Variants in ASPH observed in about 807,000 individuals in gnomAD.
The protein encoded by ASPH is aspartate beta-hydroxylase.
A neutral mutation model predicts 118.4 loss-of-function variants in ASPH; 100 were observed. The observed-to-expected ratio is 0.84, with a 90% CI of 0.72 to 1.00. The LOEUF is 1.00. Among genes scored for constraint, ASPH ranks in the 50% least tolerant of loss-of-function variants. ASPH has a pLI of 0.00. For synonymous variants in ASPH, 315 were observed against 325.6 expected (o/e 0.97, Z 0.35); for missense variants, 920 against 919.5 (o/e 1.00, Z -0.01).
At chr8:61,670,832 G>A (rs959753979) in intron 3 of ASPH, among the ~76,000 whole-genome samples, 3 of 151,776 alleles carry the variant, frequency 2.0e-5, no homozygotes, top group Admixed American at 6.6e-5. Context: ...TGTTGTAAAG[G>A]GAAGAGAGAA....
In ASPH at chr8:61,651,136, G is replaced by C; in HGVS notation, c.416-12C>G. ...GATATTCTGGGGTTCTAAAATAATT[G>C]CAAAACATAGCTAAGTAGAAAAGCT... is the stretch of plus-strand genomic sequence containing the variant. On this transcript the variant is annotated splice_polypyrimidine_tract_variant and intron_variant, in intron 4 of 24. Coordinates refer to ENST00000379454, the MANE Select transcript of ASPH (RefSeq NM_004318.4). 2 of 1,608,920 alleles carry C rather than the reference G, an allele frequency of 1.2e-6. No individual in the cohort carries two copies. The highest frequency in any genetic ancestry group is 1.7e-6 in the Non-Finnish European group (2 of 1,175,988).
rs757887715 is a variant in ASPH at position 61,638,002 on chromosome 8, T to C, written c.834A>G (p.Glu278=). The C allele has an allele frequency of 1.7e-5, 27 of 1,606,800 alleles. No individual in the cohort carries two copies. The highest frequency in any genetic ancestry group is 2.2e-5 in the Non-Finnish European group (26 of 1,177,124). The change falls in exon 12 of 25, where the codon GAA becomes GAG. Residue 278 remains glutamate (E), a splice_region_variant and synonymous_variant. Coordinates refer to ENST00000379454, the MANE Select transcript of ASPH (RefSeq NM_004318.4). ...GATTATCCTCAGGGGGAGCAGTTAC[T>C]TCTAAAATAAAGAATAAAATCAGAA... The part of the protein sequence containing the change: ...PLENEGIEIT[E]VTAPPEDNPV...
chr8:61,648,042 G>A (rs1245210881), intron 5 of ASPH, among the ~76,000 whole-genome samples: 1 of 152,150 alleles, frequency 6.6e-6, no homozygotes, highest in Non-Finnish European at 1.5e-5. Context: ...ATGGGGTCCG[G>A]ATGCATGGCT....
At chr8:61,662,055 C>T in intron 3 of ASPH, 1 of 349,706 alleles carries the variant, frequency 2.9e-6, no homozygotes, top group Non-Finnish European at 5.2e-6. Flanking sequence ...TTAGATGACA[C>T]AACAAATGAC....
chr8:61,554,643 G>T (rs1303450293), intron 19 of ASPH, among the ~76,000 whole-genome samples: 1 of 152,212 alleles, frequency 6.6e-6, no homozygotes, highest in African/African-American at 2.4e-5. Flanking sequence ...TCATATTGGA[G>T]AACACAGATA....
At chr8:61,677,043 T>A (rs2151547559) in intron 3 of ASPH, among the ~76,000 whole-genome samples, 1 of 151,910 alleles carries the variant, frequency 6.6e-6, no homozygotes, top group South Asian at 2.1e-4. Flanking sequence ...ATGACAAGAG[T>A]CAGCTATTAA....
At chr8:61,614,327 A>G (rs939599535) in intron 14 of ASPH, among the ~76,000 whole-genome samples, 4 of 152,226 alleles carry the variant, frequency 2.6e-5, no homozygotes, top group Non-Finnish European at 5.9e-5. Context: ...GCACACATAG[A>G]TACACACAAG....
At chr8:61,578,904 G>A (rs1036410877) in intron 15 of ASPH, 49 of 1,612,046 alleles carry the variant, frequency 3.0e-5, no homozygotes, top group African/African-American at 2.1e-4. Context: ...GCAGCTGTAC[G>A]AAAAGGAGAT....
intron 20 of ASPH, among the ~76,000 whole-genome samples, chr8:61,548,679 C>T (rs1470675768): frequency 6.6e-6 from 1 of 152,114 alleles, no homozygotes; most frequent in African/African-American, 2.4e-5. Context: ...TTTCCATGTC[C>T]ACATTTAAGA....
intron 13 of ASPH, chr8:61,628,487 T>C (rs1316086100): frequency 1.4e-5 from 3 of 213,082 alleles, no homozygotes; most frequent in Admixed American, 1.1e-4. Context: ...CTTTTAAACA[T>C]AGTATATAAC....
intron 21 of ASPH, among the ~76,000 whole-genome samples, chr8:61,541,762 C>T (rs1258439750): frequency 6.6e-6 from 1 of 152,046 alleles, no homozygotes; most frequent in Non-Finnish European, 1.5e-5. Flanking sequence ...CCATGAGATG[C>T]CACACACACT....
At chr8:61,533,448 CTACATCATT>C in intron 21 of ASPH, among the ~76,000 whole-genome samples, 1 of 152,256 alleles carries the variant, frequency 6.6e-6, no homozygotes, top group Non-Finnish European at 1.5e-5. Context: ...TTCCCACAAG[CTACATCATT>C]CTTTTTGTTT....
chr8:61,578,615 T>G, intron 15 of ASPH: 5 of 1,549,534 alleles, frequency 3.2e-6, no homozygotes, highest in Non-Finnish European at 4.4e-6. Flanking sequence ...AGAAGATGGC[T>G]CGGAGCAACA....
Position 61,714,249 on chromosome 8 carries a change from C to T in ASPH, c.103+20G>A, listed in dbSNP as rs1168616238. On this transcript the variant is annotated intron_variant, in intron 1 of 24. Transcript: ENST00000379454. ...ACCCCGAGGCGAGGCCCCAGATCCC[C>T]GCCCCGCAGGGCCTCTGACCTCTCC... 1 of 1,480,618 alleles carries T rather than the reference C, an allele frequency of 6.8e-7. No individual in the cohort carries two copies. The highest frequency in any genetic ancestry group is 2.3e-5 in the Admixed American group (1 of 43,544). 91.7% of individuals were successfully genotyped at this position (1,480,618 alleles called of 1,614,324 possible).
intron 3 of ASPH, chr8:61,661,964 A>G (rs1462579082): frequency 1.6e-5 from 7 of 438,568 alleles, no homozygotes; most frequent in African/African-American, 1.0e-4. Context: ...TAAAAAAAAA[A>G]TTCAAAAGAG....
chr8:61,549,411 C>A (rs1044629705), intron 20 of ASPH, among the ~76,000 whole-genome samples: 4 of 152,178 alleles, frequency 2.6e-5, no homozygotes, highest in Admixed American at 6.5e-5. Flanking sequence ...GCATTTGGGG[C>A]TCCTGGCAAC....
At chr8:61,712,946 G>A (rs964310959) in intron 1 of ASPH, among the ~76,000 whole-genome samples, 1 of 152,206 alleles carries the variant, frequency 6.6e-6, no homozygotes, top group African/African-American at 2.4e-5. Context: ...GGCACAATGA[G>A]AAGAACCCAT....
intron 21 of ASPH, among the ~76,000 whole-genome samples, chr8:61,527,371 T>C (rs984815046): frequency 1.3e-5 from 2 of 152,272 alleles, no homozygotes; most frequent in African/African-American, 4.8e-5. Context: ...GAAGGTGATA[T>C]GGAATCAGGA....
chr8:61,634,591 C>T (rs965089949), intron 12 of ASPH, among the ~76,000 whole-genome samples: 1 of 152,176 alleles, frequency 6.6e-6, no homozygotes, highest in Non-Finnish European at 1.5e-5. Context: ...AAATCACACC[C>T]ATTCCCACTA....
Sources: gnomAD v4.1 joint callset for allele counts (sites outside exome capture counted in the v4.1 genomes callset) on GRCh38, gnomAD v4.1.1 for gene constraint, MANE v1.5 for transcripts, NCBI Gene and HGNC (gene_info 2026-07-23, HGNC 2026-07-21) for gene names.